SP110: variants seen among roughly 807,000 people sequenced by gnomAD.
SP110 encodes the protein SP110 nuclear body protein, also known as interferon-induced protein 41, 30kD.
Under a neutral mutation model 92.7 loss-of-function variants are expected in SP110, and 62 were observed. That is an observed-to-expected ratio of 0.67 (90% CI 0.55 to 0.83). The LOEUF (loss-of-function observed/expected upper bound fraction) is 0.83. Among genes scored for constraint, SP110 ranks in the 40% least tolerant of loss-of-function variants. The pLI, the probability that SP110 is intolerant of heterozygous loss-of-function variation, is 0.00. For synonymous variants in SP110, 273 were observed against 305.3 expected (o/e 0.89, Z 1.10); for missense variants, 793 against 863.9 (o/e 0.92, Z 1.03).
At chr2:230,213,463 A>G (rs2044724661) in intron 3 of SP110, among the ~76,000 whole-genome samples, 1 of 152,174 alleles carries the variant, frequency 6.6e-6, no homozygotes, top group South Asian at 2.1e-4. Flanking sequence ...GTGTATTAGG[A>G]CATTTATATT....
intron 18 of SP110, 51 bp from the exon 19 acceptor site, chr2:230,169,288 CA>C (rs1451773223): frequency 2.0e-6 from 2 of 1,008,588 alleles, no homozygotes; most frequent in Non-Finnish European, 3.2e-6. Context: ...GGATTACAGC[CA>C]TCAAATCACT....
At position 230,219,873 on chromosome 2, in the gene SP110, C is replaced by T. The variant is rs199509303; in HGVS notation, c.-2+1G>A. 7.2e-5 allele frequency: 70 copies of T among 974,744 alleles called. No homozygotes were observed. Among genetic ancestry groups the T allele is most frequent in the Non-Finnish European group, 8.5e-5 (70 of 820,102 alleles). The allele number at this position is 974,744 out of a possible 1,614,324, so 60.4% of individuals were successfully genotyped here. ...ATAAAGCAGCAAAGACAGAAACTCA[C>T]CTGGACTTTGAGTTTGTCGTTCCTG... On this transcript the variant is annotated splice_donor_variant, in intron 1 of 18. Transcript: ENST00000258381. LOFTEE classifies it low-confidence loss of function (5UTR_SPLICE).
chr2:230,221,600 G>T, upstream of SP110: 19 of 1,075,090 alleles, frequency 1.8e-5, no homozygotes, highest in Non-Finnish European at 2.6e-5. Context: ...TGAGGAGAGG[G>T]TGCATTGATG....
chr2:230,201,451 G>C (rs989843885), intron 9 of SP110, among the ~76,000 whole-genome samples: 2 of 152,102 alleles, frequency 1.3e-5, no homozygotes, highest in African/African-American at 4.8e-5. Context: ...AGGAATCACT[G>C]CATCCTTTAT....
intron 12 of SP110, among the ~76,000 whole-genome samples, chr2:230,180,772 G>A (rs1328535951): frequency 6.6e-6 from 1 of 152,192 alleles, no homozygotes; most frequent in East Asian, 1.9e-4. Flanking sequence ...GTGCAGAAGG[G>A]AGAAGAAACT....
chr2:230,178,626 A>G (rs1299401046), intron 12 of SP110, among the ~76,000 whole-genome samples: 1 of 152,192 alleles, frequency 6.6e-6, no homozygotes, highest in African/African-American at 2.4e-5. Context: ...CCAGAGGAAA[A>G]AAAAATCTTC....
At chr2:230,183,895 A>T (rs536046900) in intron 11 of SP110, among the ~76,000 whole-genome samples, 1 of 152,304 alleles carries the variant, frequency 6.6e-6, no homozygotes, top group East Asian at 1.9e-4. Context: ...ATTTACTACA[A>T]ATACTAGAAT....
At chr2:230,191,827 CA>C (rs1016615349) in intron 10 of SP110, among the ~76,000 whole-genome samples, 1 of 150,544 alleles carries the variant, frequency 6.6e-6, no homozygotes, top group African/African-American at 2.4e-5. Flanking sequence ...AGAGACACAA[CA>C]AAAAAAAAGA....
rs562410899 is a variant in SP110, at chr2:230,197,467, C to T, written c.1129+3418G>A. On this transcript the variant is annotated intron_variant, in intron 10 of 18. Coordinates refer to ENST00000258381, the MANE Select transcript of SP110 (RefSeq NM_080424.4). ...AGCCCTTTGTCAGATGAGTAGGTTG[C>T]GAAAATTTTCTCCCATTTTGTAGGT... is the stretch of plus-strand genomic sequence containing the variant. 1.4e-3 allele frequency among the ~76,000 whole-genome samples: 207 copies of T among 149,540 alleles called. 1 individual carries two copies. Among genetic ancestry groups the T allele is most frequent in the African/African-American group, 4.5e-3 (182 of 40,612 alleles).
intron 8 of SP110, among the ~76,000 whole-genome samples, chr2:230,203,915 G>C (rs1459667872): frequency 6.6e-6 from 1 of 152,176 alleles, no homozygotes; most frequent in South Asian, 2.1e-4. Flanking sequence ...GAGATGGATG[G>C]TGGTGATGGT....
At chr2:230,212,649 G>A (rs2044623659) in intron 4 of SP110, 112 bp downstream of exon 4, 2 of 1,409,828 alleles carry the variant, frequency 1.4e-6, no homozygotes, top group Non-Finnish European at 2.0e-6. Context: ...GGGTAGATGG[G>A]TGCAAGAGAA....
rs557226419 is a variant in SP110, at chr2:230,214,892, C to T, written c.316+58G>A. On this transcript the variant is annotated intron_variant, in intron 3 of 18. Transcript: ENST00000258381. The stretch of plus-strand genomic sequence containing the variant: ...ATATTCCACAGGGCTAGAAGTAAAC[C>T]CAGACTTTTACCATAGCAACTTTTT... The T allele has an allele frequency of 3.1e-5, 46 of 1,466,552 alleles. No individual in the cohort carries two copies. The East Asian group carries it at 6.6e-4, about 21-fold the overall frequency. The allele number at this position is 1,466,552 out of a possible 1,614,324, so 90.8% of individuals were successfully genotyped here.
At chr2:230,172,670 A>G (rs2078478294) in intron 15 of SP110, 174 bp downstream of exon 15, 1 of 611,116 alleles carries the variant, frequency 1.6e-6, no homozygotes, top group Non-Finnish European at 3.0e-6. Context: ...TTCCAGGGGC[A>G]GAAGCAGTGT....
In SP110 at chr2:230,216,910, T is replaced by C; in HGVS notation, c.18A>G (p.Arg6=). Reference sequence around the variant, plus strand: ...GCTGAAAAAGAGCCTCTTCCATGGCTCTTGTCATGGTGAACATCCTATGGA... The same window carrying C: ...GCTGAAAAAGAGCCTCTTCCATGGCCCTTGTCATGGTGAACATCCTATGGA... MFTMT[R]AMEEALFQHF... Residue 6 remains arginine, a synonymous_variant, in exon 2 of 19, where the codon AGA becomes AGG. Transcript: ENST00000258381. The C allele has an allele frequency of 6.2e-7, 1 of 1,613,754 alleles. No individual in the cohort carries two copies.
rs1053197156 is a variant in SP110, at chr2:230,206,536, G to A, written c.898+1455C>T. On this transcript the variant is annotated intron_variant, in intron 8 of 18. Transcript: ENST00000258381. Reference sequence around the variant, plus strand: ...TAGATCAGAATACCTTTATTTTATTGATAACTCATATATATACATATATCT... The same window carrying A: ...TAGATCAGAATACCTTTATTTTATTAATAACTCATATATATACATATATCT... Among the ~76,000 whole-genome samples the A allele has an allele frequency of 1.2e-4, 16 of 134,894 alleles. 1 individual carries two copies. The highest frequency in any genetic ancestry group is 1.4e-4 in the Non-Finnish European group (9 of 63,840). 88.5% of individuals were successfully genotyped at this position (134,894 alleles called of 152,430 possible). A position where few individuals can be genotyped will look rare whatever the true frequency, so the allele number is the denominator to read the frequency against.
chr2:230,186,284 A>T (rs2042355490), intron 10 of SP110, 141 bp from the exon 11 acceptor site: 2 of 773,740 alleles, frequency 2.6e-6, no homozygotes, highest in Non-Finnish European at 4.2e-6. Flanking sequence ...GACTCATAAT[A>T]CTTCCTTCTA....
chr2:230,177,757 G>T, intron 13 of SP110, 77 bp from the exon 14 acceptor site: 1 of 1,497,938 alleles, frequency 6.7e-7, no homozygotes, highest in Non-Finnish European at 9.3e-7. Flanking sequence ...CCTAATTGTG[G>T]CCTTCTACCT....
chr2:230,182,695 C>T (rs1313715698), intron 12 of SP110, among the ~76,000 whole-genome samples: 1 of 152,118 alleles, frequency 6.6e-6, no homozygotes, highest in Non-Finnish European at 1.5e-5. Flanking sequence ...CATCCTGTGT[C>T]TTGAGCTGCG....
intron 8 of SP110, among the ~76,000 whole-genome samples, chr2:230,203,851 G>A (rs2043457771): frequency 6.6e-6 from 1 of 152,148 alleles, no homozygotes; most frequent in South Asian, 2.1e-4. Context: ...AGGGAGGAAT[G>A]GGGAGTTGTT....
Sources: allele counts gnomAD v4.1 joint callset (sites outside exome capture counted in the v4.1 genomes callset), GRCh38; gene constraint gnomAD v4.1.1; transcripts MANE v1.5; gene names NCBI Gene and HGNC (gene_info 2026-07-23, HGNC 2026-07-21).